ABR: variants seen among roughly 807,000 people sequenced by gnomAD.
ABR encodes active breakpoint cluster region-related protein.
A neutral mutation model predicts 107.2 loss-of-function variants in ABR; 35 were observed. The observed-to-expected ratio is 0.33, with a 90% CI of 0.25 to 0.43. ABR has a LOEUF of 0.43. ABR is among the 20% of genes least tolerant of loss of function. ABR has a pLI of 1.00. For synonymous variants in ABR, 498 were observed against 462.0 expected (o/e 1.08, Z -1.00); for missense variants, 815 against 1,115.2 (o/e 0.73, Z 3.83).
upstream of ABR, among the ~76,000 whole-genome samples, chr17:1,181,027 C>T (rs1042743399): frequency 2.0e-5 from 3 of 152,174 alleles, no homozygotes; most frequent in East Asian, 5.8e-4. Context: ...TTTCAGATAC[C>T]GGAGCTGTCT....
At chr17:1,229,489 C>T (rs2043295369) in exon 1 of ABR, among the ~76,000 whole-genome samples, 1 of 152,012 alleles carries the variant, frequency 6.6e-6, no homozygotes, top group Admixed American at 6.5e-5. Context: ...TCCGCCAGCA[C>T]CTGTTGCAGC....
rs1162728776 is a variant in ABR, at chr17:1,078,767, C to G, written c.700+563G>C. ...ATCTAAGCCCACTCCAGCCGGCCCC[C>G]AGAGGTGGGAGGGTCCGCCACCTCC... On this transcript the variant is annotated intron_variant, in intron 6 of 22. Coordinates refer to ENST00000302538, the MANE Select transcript of ABR (RefSeq NM_021962.5). This position sits in a 1 kb window ranked among gnomAD's most constrained non-coding sequence, Gnocchi z 7.5. 6.5e-7 allele frequency: 1 copy of G among 1,528,554 alleles called. No homozygotes were observed. 94.7% of individuals were successfully genotyped at this position (1,528,554 alleles called of 1,614,324 possible). A position where few individuals can be genotyped will look rare whatever the true frequency, so the allele number is the denominator to read the frequency against.
At chr17:1,224,229 G>C (rs1251565701) in intron 1 of ABR, among the ~76,000 whole-genome samples, 3 of 151,928 alleles carry the variant, frequency 2.0e-5, no homozygotes, top group African/African-American at 7.3e-5. Flanking sequence ...ACACCAACAC[G>C]GCCTGGTCTT....
At position 1,125,254 on chromosome 17, in the gene ABR, G is replaced by T; in HGVS notation, c.175C>A (p.Gln59Lys). 6.2e-7 allele frequency: 1 copy of T among 1,613,250 alleles called. No homozygotes were observed. Among genetic ancestry groups the T allele is most frequent in the Non-Finnish European group, 8.5e-7 (1 of 1,179,584 alleles). ...YIDESPTMSP[Q>K]LSARSQGGGD... ...CCGCCCTGGCTGCGGGCGCTGAGCT[G>T]CGGGGACATGGTGGGCGACTCATCG... The change falls in exon 2 of 23, where the codon CAG (glutamine) becomes AAG (lysine). Residue 59 changes from glutamine (Q) to lysine (K), a missense_variant. Physicochemically the swap from Gln to Lys is moderately conservative, Grantham distance 53. This residue lies in a region of ABR where 129 missense variants were observed against 124.8 expected (regional missense o/e 1.03). Transcript: ENST00000302538.
chr17:1,169,596 G>T (rs2151593491), intron 1 of ABR, among the ~76,000 whole-genome samples: 1 of 152,282 alleles, frequency 6.6e-6, no homozygotes, highest in Non-Finnish European at 1.5e-5. Flanking sequence ...ACCTCTCCGT[G>T]GGGGACTCTC....
chr17:1,161,294 G>A (rs1053247987), intron 1 of ABR, among the ~76,000 whole-genome samples: 1 of 151,462 alleles, frequency 6.6e-6, no homozygotes, highest in Non-Finnish European at 1.5e-5. Flanking sequence ...CCAGGCCAGA[G>A]TGCAGAATGT....
intron 6 of ABR, among the ~76,000 whole-genome samples, chr17:1,076,791 C>G (rs1470074812): frequency 6.7e-6 from 1 of 149,288 alleles, no homozygotes; most frequent in African/African-American, 2.6e-5. Context: ...ATAAGAGCGG[C>G]CCTGAAGTTT....
chr17:1,199,089 G>A (rs913409668), intron 1 of ABR, among the ~76,000 whole-genome samples: 5 of 147,454 alleles, frequency 3.4e-5, no homozygotes, highest in Admixed American at 2.0e-4. Flanking sequence ...TTCCAAGGAC[G>A]AGGCCCTATC....
At chr17:1,158,787 G>A (rs917878346) in intron 1 of ABR, among the ~76,000 whole-genome samples, 1 of 151,898 alleles carries the variant, frequency 6.6e-6, no homozygotes, top group East Asian at 1.9e-4. Flanking sequence ...AATCAAAAGT[G>A]CGTAGGGCTA....
At chr17:1,182,816 G>A (rs1567870714), upstream of ABR, among the ~76,000 whole-genome samples, 1 of 152,172 alleles carries the variant, frequency 6.6e-6, no homozygotes, top group African/African-American at 2.4e-5. Context: ...ATCTCCAGAC[G>A]TCTGTCTCAG....
chr17:1,152,051 A>T (rs1039423873), intron 1 of ABR, among the ~76,000 whole-genome samples: 2 of 149,882 alleles, frequency 1.3e-5, no homozygotes, highest in Non-Finnish European at 2.9e-5. Context: ...GCACTTTGGG[A>T]GGCCAAAGCA....
chr17:1,104,298 C>G (rs1233226478), intron 2 of ABR, among the ~76,000 whole-genome samples: 2 of 152,188 alleles, frequency 1.3e-5, no homozygotes, highest in African/African-American at 4.8e-5. Flanking sequence ...CTGGTAGGAA[C>G]AATGTCTAGA....
chr17:1,038,888 G>T (rs1277064871), intron 16 of ABR, among the ~76,000 whole-genome samples: 1 of 152,240 alleles, frequency 6.6e-6, no homozygotes, highest in African/African-American at 2.4e-5. Context: ...TGATCCTTTG[G>T]ATTCCTAGGA....
rs775804045 is a variant in ABR, at chr17:1,185,654, T to TAAAAAAAAAAA, written c.-78+1135_-78+1145dup. On this transcript the variant is annotated intron_variant, in intron 1 of 22. Coordinates refer to the ABR transcript ENST00000544583. ...AGTGAGACTCCGTCTCAGAAAGAAA[T>TAAAAAAAAAAA]AAAAAAAAAAAAAAAAAAAAAAAAA... 8.9e-4 allele frequency among the ~76,000 whole-genome samples: 35 copies of TAAAAAAAAAAA among 39,344 alleles called. 1 individual carries two copies. The highest frequency in any genetic ancestry group is 3.3e-3 in the African/African-American group (34 of 10,330). The allele number at this position is 39,344 out of a possible 152,430, so 25.8% of individuals were successfully genotyped here. A position where few individuals can be genotyped will look rare whatever the true frequency, so the allele number is the denominator to read the frequency against.
chr17:1,189,298 A>G (rs2042382698), upstream of ABR, among the ~76,000 whole-genome samples: 1 of 152,102 alleles, frequency 6.6e-6, no homozygotes, highest in South Asian at 2.1e-4. Context: ...AAGACATCCT[A>G]AAACACATGT....
chr17:1,208,980 T>C (rs2042852307), intron 1 of ABR, among the ~76,000 whole-genome samples: 1 of 152,040 alleles, frequency 6.6e-6, no homozygotes, highest in Non-Finnish European at 1.5e-5. Flanking sequence ...TACATGTATG[T>C]AGTGAACACC....
In ABR at chr17:1,004,990, G is replaced by C; in HGVS notation, c.*1090C>G. ...CCTACCTGCCTGGACACCTGCTTCG[G>C]CCACATCAGTCACCCTCCAGGAAGC... On this transcript the variant is annotated 3_prime_UTR_variant, in exon 23 of 23. Transcript: ENST00000302538. 2.5e-6 allele frequency: 1 copy of C among 399,056 alleles called. No homozygotes were observed. The highest frequency in any genetic ancestry group is 4.4e-6 in the Non-Finnish European group (1 of 226,228). The allele number at this position is 399,056 out of a possible 1,614,324, so 24.7% of individuals were successfully genotyped here.
At chr17:1,057,246 A>C (rs1260217811) in intron 12 of ABR, 144 bp from the exon 13 acceptor site, 4 of 579,508 alleles carry the variant, frequency 6.9e-6, no homozygotes, top group Non-Finnish European at 1.3e-5. Context: ...ATTTGTGGAC[A>C]CAGCAGGACT....
chr17:1,185,468 A>G (rs550372105), intron 1 of ABR, among the ~76,000 whole-genome samples: 171 of 152,056 alleles, frequency 1.1e-3, no homozygotes, highest in Admixed American at 3.4e-3. Context: ...AACATGGTGA[A>G]ACCCCGTCTC....
Sources: allele counts gnomAD v4.1 joint callset (sites outside exome capture counted in the v4.1 genomes callset), GRCh38; gene constraint gnomAD v4.1.1; regional missense constraint gnomAD v4.1.1; non-coding constraint Gnocchi (gnomAD v3.1); transcripts MANE v1.5; gene names NCBI Gene and HGNC (gene_info 2026-07-23, HGNC 2026-07-21).